The following PFKFB3 variants were observed in gnomAD, a reference collection of about 807,000 sequenced individuals.
PFKFB3 encodes 6-phosphofructo-2-kinase/fructose-2,6-biphosphatase 3.
Under a neutral mutation model 68.0 loss-of-function variants are expected in PFKFB3, and 33 were observed. The ratio of observed to expected loss-of-function variants is 0.49; its 90% CI spans 0.37 to 0.65. PFKFB3 has a LOEUF of 0.65. Among genes scored for constraint, PFKFB3 ranks in the 30% least tolerant of loss-of-function variants. PFKFB3 has a pLI of 0.00. For missense variants in PFKFB3, 586 were observed against 712.2 expected, an observed-to-expected ratio of 0.82 and a Z score of 2.02; for synonymous variants, 315 against 288.2, an observed-to-expected ratio of 1.09 and a Z score of -0.94.
At chr10:6,292,772 C>T in the PFKFB3 span, among the ~76,000 whole-genome samples, 1 of 152,170 alleles carries the variant, frequency 6.6e-6, no homozygotes, top group Non-Finnish European at 1.5e-5. Context: ...GACTGGTTCT[C>T]ACACAAAGCT....
At chr10:6,230,471 T>G (rs1446343450) in intron 14 of PFKFB3, among the ~76,000 whole-genome samples, 1 of 152,172 alleles carries the variant, frequency 6.6e-6, no homozygotes, top group Non-Finnish European at 1.5e-5. Context: ...AAAGTTGTCA[T>G]AATGAGACTA....
the PFKFB3 span, among the ~76,000 whole-genome samples, chr10:6,313,582 G>A: frequency 3.3e-5 from 5 of 152,130 alleles, no homozygotes; most frequent in South Asian, 2.1e-4. This position sits in a 1 kb window ranked among gnomAD's most constrained non-coding sequence, Gnocchi z 4.2. Context: ...CTAAATGATC[G>A]GTTTTAATTT....
chr10:6,218,983 C>G (rs1442162604), intron 6 of PFKFB3, among the ~76,000 whole-genome samples: 1 of 152,234 alleles, frequency 6.6e-6, no homozygotes, highest in African/African-American at 2.4e-5. Flanking sequence ...TTTCTGGGGC[C>G]TGTGCCACTG....
chr10:6,188,302 C>T (rs1842928655), intron 1 of PFKFB3, among the ~76,000 whole-genome samples: 1 of 151,514 alleles, frequency 6.6e-6, no homozygotes, highest in African/African-American at 2.4e-5. Flanking sequence ...ACCAATTTTC[C>T]CACTACTGCT....
chr10:6,168,910 T>A lies in PFKFB3; in HGVS notation c.16+23897T>A, dbSNP rs913373927. Among the ~76,000 whole-genome samples the A allele has an allele frequency of 3.9e-5, 6 of 152,196 alleles. No homozygotes were observed. The East Asian group carries it at 1.2e-3, about 29-fold the overall frequency. Reference sequence around the variant, plus strand: ...CCTCCTAAAGTGGTCCTTCGTTGAATGCCTCTCCCGTCTGCCCCCCGAAAA... The same window carrying A: ...CCTCCTAAAGTGGTCCTTCGTTGAAAGCCTCTCCCGTCTGCCCCCCGAAAA... On this transcript the variant is annotated intron_variant, in intron 1 of 14. Coordinates refer to the PFKFB3 transcript ENST00000379789.
chr10:6,228,118 TG>T lies in PFKFB3; in HGVS notation c.1515+1757del. ...TCTGAAGCTGCTGGCTGGGCCGGCG[TG>T]GGGTTTTTCAGGGCTTCGTCCCTGC... On this transcript the variant is annotated intron_variant, in intron 14 of 14. Transcript: ENST00000379775. This position sits in a 1 kb window ranked among gnomAD's most constrained non-coding sequence, Gnocchi z 4.5. 1.3e-6 allele frequency: 2 copies of T among 1,531,230 alleles called. No individual in the cohort carries two copies. The highest frequency in any genetic ancestry group is 9.0e-7 in the Non-Finnish European group (1 of 1,106,246). The allele number at this position is 1,531,230 out of a possible 1,614,324, so 94.9% of individuals were successfully genotyped here. A position where few individuals can be genotyped will look rare whatever the true frequency, so the allele number is the denominator to read the frequency against.
At position 6,148,445 on chromosome 10, in the gene PFKFB3, C is replaced by T. The variant is rs1469602010; in HGVS notation, c.16+3432C>T. Among the ~76,000 whole-genome samples the T allele has an allele frequency of 7.2e-5, 11 of 152,164 alleles. No homozygotes were observed. The East Asian group carries it at 1.9e-3, about 27-fold the overall frequency. ...TCTGGGCCATGTCCCCTATGCTCAG[C>T]GTGAGGCTGGAGCAGCAGCTGACAG... is the stretch of plus-strand genomic sequence containing the variant. On this transcript the variant is annotated intron_variant, in intron 1 of 14. Transcript: ENST00000379789.
intron 1 of PFKFB3, among the ~76,000 whole-genome samples, chr10:6,181,964 A>T (rs907679208): frequency 6.6e-6 from 1 of 152,040 alleles, no homozygotes; most frequent in Admixed American, 6.6e-5. Flanking sequence ...ATTGGAGAAG[A>T]TGGAAAAATT....
In PFKFB3 at chr10:6,229,810, G is replaced by T. The variant is rs1845613442; in HGVS notation, c.1516-3085G>T. 1.3e-5 allele frequency among the ~76,000 whole-genome samples: 2 copies of T among 152,180 alleles called. No homozygotes were observed. Among genetic ancestry groups the T allele is most frequent in the African/African-American group, 2.4e-5 (1 of 41,428 alleles). ...AGAGAATTTTCCCCACCATGGCAGG[G>T]TAGGGGATGGTTTGGGGATAAAACT... On this transcript the variant is annotated intron_variant, in intron 14 of 14. Coordinates refer to ENST00000379775, the MANE Select transcript of PFKFB3 (RefSeq NM_004566.4). This position sits in a 1 kb window ranked among gnomAD's most constrained non-coding sequence, Gnocchi z 4.3.
rs1349000702 is a variant in PFKFB3 at position 6,202,965 on chromosome 10, T to C, written c.-296T>C. 1.6e-6 allele frequency: 2 copies of C among 1,283,590 alleles called. No homozygotes were observed. The highest frequency in any genetic ancestry group is 2.0e-6 in the Non-Finnish European group (2 of 1,014,600). 79.5% of individuals were successfully genotyped at this position (1,283,590 alleles called of 1,614,324 possible). A position where few individuals can be genotyped will look rare whatever the true frequency, so the allele number is the denominator to read the frequency against. The stretch of plus-strand genomic sequence containing the variant: ...CGGAGAGGAGGCGAGCAGCAGGGCC[T>C]GGTGGCGAGAGCGCGGCTGTCACTG... On this transcript the variant is annotated 5_prime_UTR_variant, in exon 1 of 15. Transcript: ENST00000379775.
intron 1 of PFKFB3, among the ~76,000 whole-genome samples, chr10:6,168,651 A>T (rs978604982): frequency 6.6e-6 from 1 of 152,210 alleles, no homozygotes; most frequent in Non-Finnish European, 1.5e-5. Context: ...CAGCAATGAC[A>T]ACTTGGCCAT....
intron 1 of PFKFB3, among the ~76,000 whole-genome samples, chr10:6,151,802 T>C (rs1841596661): frequency 6.6e-6 from 1 of 152,148 alleles, no homozygotes; most frequent in South Asian, 2.1e-4. Flanking sequence ...GTAGACCTGT[T>C]TGATGCAGGC....
chr10:6,194,751 C>A (rs566428538), intron 1 of PFKFB3, among the ~76,000 whole-genome samples: 7 of 152,310 alleles, frequency 4.6e-5, no homozygotes, highest in African/African-American at 1.2e-4. Context: ...GGAGTGACCA[C>A]CTGATTTGTC....
the PFKFB3 span, among the ~76,000 whole-genome samples, chr10:6,282,368 G>C: frequency 6.6e-6 from 1 of 152,130 alleles, no homozygotes; most frequent in Admixed American, 6.5e-5. Flanking sequence ...CCCTTGGGCG[G>C]CTCAATGTAT....
the PFKFB3 span, among the ~76,000 whole-genome samples, chr10:6,307,333 ACACAC>A: frequency 0.041 from 4,759 of 117,470 alleles, 135 homozygotes; most frequent in African/African-American, 0.086. Flanking sequence ...TGCGTACTAC[ACACAC>A]ACACACACAC....
At chr10:6,281,166 C>CATATATATATAT in the PFKFB3 span, among the ~76,000 whole-genome samples, 306 of 84,556 alleles carry the variant, frequency 3.6e-3, 20 homozygotes, top group South Asian at 0.011. Context: ...AGTATTCCAT[C>CATATATATATAT]ATATATATAT....
chr10:6,290,542 A>G, the PFKFB3 span, among the ~76,000 whole-genome samples: 1 of 140,334 alleles, frequency 7.1e-6, no homozygotes, highest in African/African-American at 2.7e-5. Flanking sequence ...TCTATTGCCC[A>G]GGCTGGAGTG....
the PFKFB3 span, among the ~76,000 whole-genome samples, chr10:6,279,232 T>C: frequency 1.3e-5 from 2 of 152,250 alleles, no homozygotes; most frequent in African/African-American, 4.8e-5. Flanking sequence ...GTCATGTAAA[T>C]GTGAATTTTT....
At chr10:6,204,138 C>T (rs906828265) in intron 1 of PFKFB3, among the ~76,000 whole-genome samples, 1 of 152,272 alleles carries the variant, frequency 6.6e-6, no homozygotes, top group African/African-American at 2.4e-5. Context: ...GCCCCCGCCA[C>T]CAGCGATCGC....
Sources: allele counts gnomAD v4.1 joint callset (sites outside exome capture counted in the v4.1 genomes callset), GRCh38; gene constraint gnomAD v4.1.1; non-coding constraint Gnocchi (gnomAD v3.1); transcripts MANE v1.5; gene names NCBI Gene and HGNC (gene_info 2026-07-23, HGNC 2026-07-21).